The following PTBP2 variants were observed in gnomAD, a reference collection of about 807,000 sequenced individuals.
PTBP2 encodes polypyrimidine tract binding protein 2.
In PTBP2, 13 loss-of-function variants were observed where a neutral mutation model predicts 61.4. That is an observed-to-expected ratio of 0.21 (90% CI 0.14 to 0.34). The LOEUF is 0.34. PTBP2 is among the 10% of genes least tolerant of loss of function. The pLI, the probability that PTBP2 is intolerant of heterozygous loss-of-function variation, is 1.00. For missense variants in PTBP2, 405 were observed against 642.6 expected (o/e 0.63, Z 4.00); for synonymous variants, 215 against 218.5 (o/e 0.98, Z 0.14).
At chr1:96,781,506 C>T (rs146309788) in intron 7 of PTBP2, among the ~76,000 whole-genome samples, 2 of 152,052 alleles carry the variant, frequency 1.3e-5, no homozygotes, top group Non-Finnish European at 2.9e-5. Flanking sequence ...TCTGATGTCT[C>T]GATCTTACAG....
At chr1:96,791,141 A>T (rs977478813) in intron 8 of PTBP2, among the ~76,000 whole-genome samples, 2 of 152,106 alleles carry the variant, frequency 1.3e-5, no homozygotes, top group African/African-American at 4.8e-5. Context: ...GAATAGGATG[A>T]TATGTACAAT....
chr1:96,770,638 G>T (rs1452959115), intron 4 of PTBP2, 70 bp from the exon 5 acceptor site: 1 of 1,270,876 alleles, frequency 7.9e-7, no homozygotes, highest in Middle Eastern at 2.3e-4. Flanking sequence ...AAAATCATCT[G>T]AATAGATTGC....
intron 2 of PTBP2, among the ~76,000 whole-genome samples, chr1:96,726,288 T>A (rs1650492669): frequency 6.7e-6 from 1 of 149,790 alleles, no homozygotes; most frequent in South Asian, 2.1e-4. Context: ...TTTTTTTTTT[T>A]TTTGAGTCGG....
chr1:96,774,013 A>G (rs1023968215), intron 5 of PTBP2, among the ~76,000 whole-genome samples: 2 of 150,924 alleles, frequency 1.3e-5, no homozygotes, highest in Non-Finnish European at 2.9e-5. Context: ...ACTTTGGCTC[A>G]TGCCTGTAAT....
intron 3 of PTBP2, among the ~76,000 whole-genome samples, chr1:96,761,003 G>GTTA (rs1655777616): frequency 6.6e-6 from 1 of 152,142 alleles, no homozygotes; most frequent in Non-Finnish European, 1.5e-5. Context: ...GAAAACATGG[G>GTTA]TGAATAGTAA....
In PTBP2 at chr1:96,814,516, T is replaced by C. The variant is rs1437122750; in HGVS notation, c.*1111T>C. The C allele has an allele frequency of 6.6e-6, 1 of 152,568 alleles. No homozygotes were observed. The highest frequency in any genetic ancestry group is 1.5e-5 in the Non-Finnish European group (1 of 67,982). The allele number at this position is 152,568 out of a possible 1,614,324, so 9.5% of individuals were successfully genotyped here. ...GTTTTAATAAATCTTCAAAATATTT[T>C]GTATTTAGGAATAGATCTGACTTTA... On this transcript the variant is annotated 3_prime_UTR_variant, in exon 14 of 14. Transcript: ENST00000674951.
chr1:96,738,777 C>G (rs1652580532), intron 2 of PTBP2, among the ~76,000 whole-genome samples: 1 of 152,104 alleles, frequency 6.6e-6, no homozygotes, highest in African/African-American at 2.4e-5. Flanking sequence ...TTTAAAAAAT[C>G]TGGGCTGAAA....
intron 4 of PTBP2, 129 bp from the exon 5 acceptor site, chr1:96,770,579 T>C (rs953693941): frequency 3.5e-6 from 3 of 868,884 alleles, no homozygotes; most frequent in Non-Finnish European, 3.5e-6. Flanking sequence ...ATTCTGCTTA[T>C]CAGAACATTT....
chr1:96,791,118 GTTTA>G (rs1430741797), intron 8 of PTBP2, among the ~76,000 whole-genome samples: 2 of 151,712 alleles, frequency 1.3e-5, no homozygotes, highest in African/African-American at 4.8e-5. Context: ...TAGTCTGCCT[GTTTA>G]TTCTTTTTGA....
At chr1:96,764,550 A>G (rs1052843757) in intron 3 of PTBP2, among the ~76,000 whole-genome samples, 5 of 152,214 alleles carry the variant, frequency 3.3e-5, no homozygotes, top group Non-Finnish European at 7.3e-5. Flanking sequence ...GCTAAACATG[A>G]CATTTTGCTC....
At chr1:96,736,140 C>T (rs1011753040) in intron 2 of PTBP2, among the ~76,000 whole-genome samples, 5 of 152,124 alleles carry the variant, frequency 3.3e-5, no homozygotes, top group South Asian at 2.1e-4. Context: ...AAAATAAAGA[C>T]ACTTTTTGAA....
downstream of PTBP2, chr1:96,818,438 T>G (rs891076691): frequency 9.2e-5 from 14 of 152,120 alleles, no homozygotes; most frequent in Admixed American, 9.2e-4. Flanking sequence ...TATATTTGTG[T>G]TGTTTTATTC....
At chr1:96,802,211 G>GGAAA (rs371361869) in intron 8 of PTBP2, among the ~76,000 whole-genome samples, 24 of 53,992 alleles carry the variant, frequency 4.4e-4, no homozygotes, top group African/African-American at 1.8e-3. Context: ...ACTCCGTCTC[G>GGAAA]AAAAAAAAAA....
chr1:96,819,171 A>C (rs1662591308), downstream of PTBP2: 1 of 152,122 alleles, frequency 6.6e-6, no homozygotes, highest in Middle Eastern at 3.4e-3. Context: ...GGTCATTTTC[A>C]TAAATAGCTT....
intron 3 of PTBP2, among the ~76,000 whole-genome samples, chr1:96,764,236 C>T (rs1557726015): frequency 6.6e-6 from 1 of 152,126 alleles, no homozygotes; most frequent in Non-Finnish European, 1.5e-5. Context: ...AACTTAATCT[C>T]AGGTAAATAA....
At chr1:96,725,203 A>AG (rs1036520601) in intron 2 of PTBP2, among the ~76,000 whole-genome samples, 33 of 152,190 alleles carry the variant, frequency 2.2e-4, no homozygotes, top group African/African-American at 7.7e-4. Flanking sequence ...TTAGTGGAAA[A>AG]GGAGAGGAGT....
chr1:96,748,027 C>T (rs1463024034), intron 2 of PTBP2, among the ~76,000 whole-genome samples: 1 of 152,036 alleles, frequency 6.6e-6, no homozygotes, highest in African/African-American at 2.4e-5. Context: ...TCTTCATCAT[C>T]TTGGTGGCAC....
At chr1:96,764,610 G>C (rs1229804904) in intron 3 of PTBP2, among the ~76,000 whole-genome samples, 1 of 152,082 alleles carries the variant, frequency 6.6e-6, no homozygotes, top group African/African-American at 2.4e-5. Context: ...ATTTTACTTA[G>C]AACTCTTTTA....
At chr1:96,813,139 C>T (rs551488524) in intron 13 of PTBP2, 33 bp downstream of exon 13, 10 of 1,566,470 alleles carry the variant, frequency 6.4e-6, no homozygotes, top group Non-Finnish European at 8.7e-6. Context: ...AAATTAGTGA[C>T]CTGATAAAAT....
Sources: allele counts gnomAD v4.1 joint callset (sites outside exome capture counted in the v4.1 genomes callset), GRCh38; gene constraint gnomAD v4.1.1; transcripts MANE v1.5; gene names NCBI Gene and HGNC (gene_info 2026-07-23, HGNC 2026-07-21).